The following TNFSF10 variants were observed in gnomAD, a reference collection of about 807,000 sequenced individuals.
The protein encoded by TNFSF10 is TNF superfamily member 10.
Under a neutral mutation model 29.5 loss-of-function variants are expected in TNFSF10, and 13 were observed. The ratio of observed to expected loss-of-function variants is 0.44; its 90% CI spans 0.29 to 0.70. The LOEUF (loss-of-function observed/expected upper bound fraction) is 0.70, where lower values mean the gene tolerates loss of function less well. Among genes scored for constraint, TNFSF10 ranks in the 30% least tolerant of loss-of-function variants. TNFSF10 has a pLI of 0.13. For missense variants in TNFSF10, 345 were observed against 330.9 expected (o/e 1.04, Z -0.33); for synonymous variants, 111 against 112.8 (o/e 0.98, Z 0.10).
Position 172,511,671 on chromosome 3 carries a change from A to G in TNFSF10, c.271-12T>C, listed in dbSNP as rs148010965. The G allele has an allele frequency of 2.5e-6, 4 of 1,610,084 alleles. No individual in the cohort carries two copies. Among genetic ancestry groups the G allele is most frequent in the Non-Finnish European group, 3.4e-6 (4 of 1,177,642 alleles). ...GTTCTCAAAATCATCTGCAAATATT[A>G]TTGAATAAAGCTTGTTAATTTCCCT... On this transcript the variant is annotated splice_polypyrimidine_tract_variant and intron_variant, in intron 2 of 4. Transcript: ENST00000241261.
chr3:172,513,034 A>G (rs1046608390), intron 2 of TNFSF10, among the ~76,000 whole-genome samples: 1 of 152,228 alleles, frequency 6.6e-6, no homozygotes, highest in African/African-American at 2.4e-5. Flanking sequence ...TGTTCAACTA[A>G]TGTGCCTGAA....
chr3:172,511,708 C>G, intron 2 of TNFSF10, 49 bp from the exon 3 acceptor site: 1 of 1,529,646 alleles, frequency 6.5e-7, no homozygotes, highest in Non-Finnish European at 9.0e-7. Flanking sequence ...AAAATTTAAA[C>G]TGACTATAGA....
chr3:172,523,140 CAGAG>C, intron 1 of TNFSF10, 109 bp downstream of exon 1: 1 of 1,334,442 alleles, frequency 7.5e-7, no homozygotes, highest in African/African-American at 1.4e-5. Context: ...AGTGTACCCA[CAGAG>C]AAAGGAAGCA....
chr3:172,505,931 T>C lies in TNFSF10; in HGVS notation c.*561A>G, dbSNP rs1049141567. 2.6e-5 allele frequency: 4 copies of C among 152,292 alleles called. No individual in the cohort carries two copies. The highest frequency in any genetic ancestry group is 9.7e-5 in the African/African-American group (4 of 41,438). 9.4% of individuals were successfully genotyped at this position (152,292 alleles called of 1,614,324 possible). ...CAGTAGAGATGGGGTTTCACTATGT[T>C]GGTCACTATGGTCTTGATCTCTTGA... On this transcript the variant is annotated 3_prime_UTR_variant, in exon 5 of 5. Transcript: ENST00000241261.
chr3:172,509,374 T>C lies in TNFSF10; in HGVS notation c.314-53A>G, dbSNP rs1293395778. On this transcript the variant is annotated intron_variant, in intron 3 of 4. Coordinates refer to ENST00000241261, the MANE Select transcript of TNFSF10 (RefSeq NM_003810.4). ...AACACTTGCCAAACTAGTTCTCCAA[T>C]ACCTTGCTCTTCATAGGTGTTGTCA... 2.5e-5 allele frequency: 36 copies of C among 1,419,946 alleles called. 2 individuals carry two copies. In the Admixed American group the frequency reaches 6.2e-4, roughly 25 times the overall value. The allele number at this position is 1,419,946 out of a possible 1,614,324, so 88.0% of individuals were successfully genotyped here. A position where few individuals can be genotyped will look rare whatever the true frequency, so the allele number is the denominator to read the frequency against.
chr3:172,521,847 T>C (rs777999820), intron 1 of TNFSF10, among the ~76,000 whole-genome samples: 1 of 152,236 alleles, frequency 6.6e-6, no homozygotes, highest in Non-Finnish European at 1.5e-5. Context: ...ATATACACCA[T>C]GGAATACTAT....
chr3:172,521,455 C>T (rs900484989), intron 1 of TNFSF10, among the ~76,000 whole-genome samples: 1 of 152,178 alleles, frequency 6.6e-6, no homozygotes, highest in South Asian at 2.1e-4. Flanking sequence ...AAAAAAAGCT[C>T]ATCATCACTG....
At chr3:172,511,555 T>A in intron 3 of TNFSF10, 62 bp downstream of exon 3, 1 of 1,371,666 alleles carries the variant, frequency 7.3e-7, no homozygotes, top group Non-Finnish European at 1.0e-6. Flanking sequence ...AATGGAGAAC[T>A]ATTCACAACC....
At chr3:172,514,807 A>G (rs1228269517) in intron 2 of TNFSF10, 54 bp downstream of exon 2, 10 of 1,595,456 alleles carry the variant, frequency 6.3e-6, no homozygotes, top group Non-Finnish European at 8.5e-6. Context: ...TGCTTTAAGG[A>G]ATTCTTCTGG....
chr3:172,511,187 A>G (rs762497383), intron 3 of TNFSF10, among the ~76,000 whole-genome samples: 5 of 152,132 alleles, frequency 3.3e-5, no homozygotes, highest in Non-Finnish European at 5.9e-5. Flanking sequence ...GAAAAGGATG[A>G]TGGAGGAGGA....
At chr3:172,522,608 C>T (rs905024637) in intron 1 of TNFSF10, among the ~76,000 whole-genome samples, 1 of 152,150 alleles carries the variant, frequency 6.6e-6, no homozygotes, top group African/African-American at 2.4e-5. Flanking sequence ...GATTTTATTC[C>T]AAACCTTGTT....
chr3:172,518,167 G>C (rs1432171674), intron 1 of TNFSF10: 2 of 1,093,766 alleles, frequency 1.8e-6, no homozygotes, highest in African/African-American at 1.7e-5. Context: ...ACCACACTTG[G>C]GCATTGGGGG....
intron 1 of TNFSF10, chr3:172,522,438 G>T: frequency 6.6e-7 from 1 of 1,516,204 alleles, no homozygotes; most frequent in African/African-American, 1.4e-5. Flanking sequence ...AAGCAGGAAA[G>T]AAATTTTATC....
intron 1 of TNFSF10, chr3:172,517,240 T>G: frequency 2.7e-6 from 2 of 733,472 alleles, no homozygotes; most frequent in Non-Finnish European, 3.3e-6. Context: ...TTGACAAGGA[T>G]GGTCGTGGTG....
chr3:172,517,723 T>G, intron 1 of TNFSF10: 1 of 984,894 alleles, frequency 1.0e-6, no homozygotes, highest in Non-Finnish European at 1.2e-6. Context: ...TAAATCTGTA[T>G]GAAAATTATA....
chr3:172,513,834 A>ATTTTTTTTTTTTT (rs5854474), intron 2 of TNFSF10, among the ~76,000 whole-genome samples: 1 of 146,590 alleles, frequency 6.8e-6, no homozygotes. Context: ...GGCAGAAGCA[A>ATTTTTTTTTTTTT]TTTTTTTTTT....
At chr3:172,523,199 T>TA (rs1713780437) in intron 1 of TNFSF10, 54 bp downstream of exon 1, 1 of 1,518,214 alleles carries the variant, frequency 6.6e-7, no homozygotes, top group Non-Finnish European at 9.0e-7. Flanking sequence ...AAGAAGCAGG[T>TA]AACCAGACAT....
intron 1 of TNFSF10, chr3:172,518,387 A>T (rs2108449573): frequency 1.6e-6 from 2 of 1,288,854 alleles, no homozygotes; most frequent in Admixed American, 2.3e-5. Context: ...GGGTAGACTC[A>T]GCAAGGTAGA....
Position 172,506,193 on chromosome 3 carries a change from T to C in TNFSF10, c.*299A>G. 3.1e-6 allele frequency: 1 copy of C among 319,220 alleles called. No homozygotes were observed. Among genetic ancestry groups the C allele is most frequent in the African/African-American group, 2.2e-5 (1 of 45,900 alleles). The allele number at this position is 319,220 out of a possible 1,614,324, so 19.8% of individuals were successfully genotyped here. A position where few individuals can be genotyped will look rare whatever the true frequency, so the allele number is the denominator to read the frequency against. On this transcript the variant is annotated 3_prime_UTR_variant, in exon 5 of 5. Transcript: ENST00000241261. ...TATAAAGACAGAAGATGTTAACCAT[T>C]GCATTAATGTTTGGAAGCTGACAGT... is the stretch of plus-strand genomic sequence containing the variant.
Sources: allele counts gnomAD v4.1 joint callset (sites outside exome capture counted in the v4.1 genomes callset), GRCh38; gene constraint gnomAD v4.1.1; transcripts MANE v1.5; gene names NCBI Gene and HGNC (gene_info 2026-07-23, HGNC 2026-07-21).